Variants in SBF1 observed in about 807,000 individuals in gnomAD.
SBF1 encodes SET binding factor 1, also known as myotubularin-related protein 5.
In SBF1, 65 loss-of-function variants were observed where a neutral mutation model predicts 215.8. The observed-to-expected ratio is 0.30, with a 90% CI of 0.25 to 0.37. The LOEUF is 0.37. Ranked by LOEUF, SBF1 falls within the 10% of genes least tolerant of loss-of-function variation. The probability of loss-of-function intolerance (pLI) is 1.00; values close to 1 mark genes in which losing one functional copy is unlikely to be tolerated. For missense variants in SBF1, 2,634 were observed against 2,667.8 expected, an observed-to-expected ratio of 0.99 and a Z score of 0.28; for synonymous variants, 1,410 against 1,122.8, an observed-to-expected ratio of 1.26 and a Z score of -5.11.
Position 50,464,509 on chromosome 22 carries a change from T to G in SBF1, c.1636+25A>C, listed in dbSNP as rs948168429. ...CCCATCCTGGGCCACGCTCGGGGCCTGCCTTCCCCTCCCTCATTACGCACT... is the reference window on the plus strand; with the variant it reads ...CCCATCCTGGGCCACGCTCGGGGCCGGCCTTCCCCTCCCTCATTACGCACT... On this transcript the variant is annotated intron_variant, in intron 14 of 40. Coordinates refer to ENST00000380817, the MANE Select transcript of SBF1 (RefSeq NM_002972.4). 6 of 1,603,264 alleles carry G rather than the reference T, an allele frequency of 3.7e-6. No homozygotes were observed. In the Admixed American group the frequency reaches 6.7e-5, roughly 18 times the overall value.
chr22:50,462,087 G>C lies in SBF1; in HGVS notation c.2429C>G (p.Thr810Arg). The C allele has an allele frequency of 1.9e-6, 3 of 1,613,934 alleles. No individual in the cohort carries two copies. The highest frequency in any genetic ancestry group is 2.5e-6 in the Non-Finnish European group (3 of 1,180,046). Residue 810 changes from threonine (T) to arginine (R), a missense_variant, in exon 20 of 41, where the codon ACG becomes AGG. By Grantham distance (71) the Thr-to-Arg change is moderately conservative (BLOSUM62 -1). Coordinates refer to ENST00000380817, the MANE Select transcript of SBF1 (RefSeq NM_002972.4). ...CTCTGCATCCTCGAAGCCGCTCTCC[G>C]TGTCATAGCTCTCGGCCACACTGCC... ...MAGSVAESYD[T>R]ESGFEDAETC... is the part of the protein sequence containing the mutation.
chr22:50,459,152 C>T (rs2148582085), intron 28 of SBF1, 103 bp downstream of exon 28: 2 of 1,446,240 alleles, frequency 1.4e-6, no homozygotes, highest in Non-Finnish European at 1.8e-6. Flanking sequence ...CATCCATGAC[C>T]AGCGCCGTTT....
intron 28 of SBF1, among the ~76,000 whole-genome samples, chr22:50,457,864 G>A (rs2067318237): frequency 6.6e-6 from 1 of 152,234 alleles, no homozygotes; most frequent in South Asian, 2.1e-4. Context: ...CCACCAAGTG[G>A]TCACTACAGG....
chr22:50,452,911 ACAACACAGAGATGTACAGCT>A (rs1040640194), intron 36 of SBF1, among the ~76,000 whole-genome samples: 2 of 152,034 alleles, frequency 1.3e-5, no homozygotes, highest in African/African-American at 4.8e-5. Context: ...CCCCTGAAAC[ACAACACAGAGATGTACAGCT>A]CAACTCACAG....
At chr22:50,457,005 G>A (rs2067280561) in intron 29 of SBF1, 29 bp downstream of exon 29, 7 of 1,405,420 alleles carry the variant, frequency 5.0e-6, no homozygotes, top group Non-Finnish European at 6.5e-6. Context: ...AGTAAGGGGA[G>A]GCGGGCCTGC....
chr22:50,448,135 TCCTCAAAA>T (rs2066908352), intron 38 of SBF1, 90 bp downstream of exon 38: 80 of 1,205,546 alleles, frequency 6.6e-5, no homozygotes, highest in Non-Finnish European at 9.4e-5. Context: ...TTAAGCAAGC[TCCTCAAAA>T]GCACCCGCAA....
intron 22 of SBF1, 42 bp from the exon 23 acceptor site, chr22:50,461,328 G>GC (rs370063156): frequency 2.7e-4 from 270 of 998,830 alleles, no homozygotes; most frequent in Non-Finnish European, 2.6e-4. Flanking sequence ...GGAAGGTAAG[G>GC]GGGGGGGGGT....
At chr22:50,474,716 A>G in intron 1 of SBF1, 70 bp downstream of exon 1, 1 of 1,219,860 alleles carries the variant, frequency 8.2e-7, no homozygotes, top group Non-Finnish European at 1.1e-6. Context: ...CTCGACCCTC[A>G]GACCCAGCCC....
At position 50,456,775 on chromosome 22, in the gene SBF1, C is replaced by T. The variant is rs2067270312; in HGVS notation, c.3905-102G>A. 2.7e-6 allele frequency: 3 copies of T among 1,103,370 alleles called. No individual in the cohort carries two copies. The East Asian group carries it at 8.1e-5, about 30-fold the overall frequency. The allele number at this position is 1,103,370 out of a possible 1,614,324, so 68.3% of individuals were successfully genotyped here. On this transcript the variant is annotated intron_variant, in intron 29 of 40. Transcript: ENST00000380817. ...CAGGGAGGGGGCTGAGCTCCCAGGG[C>T]AGGGGTGGTTGGCAGGACCCCAGCA...
chr22:50,459,871 G>A (rs2067427021), intron 26 of SBF1, 81 bp downstream of exon 26: 2 of 1,505,564 alleles, frequency 1.3e-6, no homozygotes, highest in Non-Finnish European at 9.2e-7. Flanking sequence ...ATGACCAGAA[G>A]CCGTGGCCCA....
chr22:50,466,744 TG>T (rs751924201), intron 5 of SBF1, 34 bp from the exon 6 acceptor site: 2 of 1,436,538 alleles, frequency 1.4e-6, no homozygotes, highest in Non-Finnish European at 1.9e-6. Flanking sequence ...CTCAGTAGTT[TG>T]GCCAGAGCCA....
intron 36 of SBF1, among the ~76,000 whole-genome samples, chr22:50,449,127 G>C (rs954779512): frequency 6.6e-6 from 1 of 151,158 alleles, no homozygotes; most frequent in African/African-American, 2.4e-5. Context: ...AGCCGAGAAC[G>C]CGCCACTGCA....
chr22:50,458,439 C>T (rs1192143952), intron 28 of SBF1, among the ~76,000 whole-genome samples: 4 of 151,870 alleles, frequency 2.6e-5, no homozygotes, highest in African/African-American at 4.8e-5. Flanking sequence ...TGGGGATGGT[C>T]GGAGACGCAA....
intron 28 of SBF1, among the ~76,000 whole-genome samples, chr22:50,458,166 G>A (rs756274609): frequency 3.9e-5 from 6 of 152,116 alleles, no homozygotes; most frequent in Non-Finnish European, 7.4e-5. Context: ...TCAGCCGGGC[G>A]CGGTGGCGGG....
At position 50,461,531 on chromosome 22, in the gene SBF1, T is replaced by G; in HGVS notation, c.2831A>C (p.Asp944Ala). ...YRVIFTGMPT[D>A]PLVGEQVVVR... The stretch of plus-strand genomic sequence containing the variant: ...AGAGTCTGCAGGCTCACCCAGGGGG[T>G]CCGTGGGCATCCCCGTGAAGATGAC... The change falls in exon 22 of 41, where the codon GAC becomes GCC. Residue 944 changes from aspartate to alanine, a missense_variant. Coordinates refer to ENST00000380817, the MANE Select transcript of SBF1 (RefSeq NM_002972.4). The G allele has an allele frequency of 1.9e-6, 3 of 1,597,712 alleles. No homozygotes were observed. The highest frequency in any genetic ancestry group is 2.6e-6 in the Non-Finnish European group (3 of 1,169,468).
At chr22:50,472,890 A>G (rs1268657960) in intron 1 of SBF1, among the ~76,000 whole-genome samples, 1 of 152,194 alleles carries the variant, frequency 6.6e-6, no homozygotes, top group Non-Finnish European at 1.5e-5. Context: ...GCTCAACCCC[A>G]GAAGGTAGTG....
chr22:50,457,057 G>T lies in SBF1; in HGVS notation c.3881C>A (p.Ala1294Asp). The change falls in exon 29 of 41, where the codon GCC (alanine) becomes GAC (aspartate). Residue 1294 changes from alanine (A) to aspartate (D), a missense_variant. Ala to Asp is a moderately radical substitution (Grantham distance 126). Coordinates refer to ENST00000380817, the MANE Select transcript of SBF1 (RefSeq NM_002972.4). Reference protein sequence around the residue: ...TTLSNPMAASASRRTAPRGKW... With the variant: ...TTLSNPMAASDSRRTAPRGKW... ...ACCTCGGGGTGCGGTCCGTCTGGAG[G>T]CCGAGGCCGCCATGGGGTTGGACAG... 1 of 1,465,438 alleles carries T rather than the reference G, an allele frequency of 6.8e-7. No individual in the cohort carries two copies. The allele number at this position is 1,465,438 out of a possible 1,614,324, so 90.8% of individuals were successfully genotyped here.
At position 50,460,421 on chromosome 22, in the gene SBF1, A is replaced by G. The variant is rs762990592; in HGVS notation, c.3147-13T>C. On this transcript the variant is annotated splice_polypyrimidine_tract_variant and intron_variant, in intron 24 of 40. Transcript: ENST00000380817. ...CCGGGACAGGGTTCTGAGGCCCACGAGAGTCAGCAAAGGTGAGAGGAGGAG... is the reference window on the plus strand; with the variant it reads ...CCGGGACAGGGTTCTGAGGCCCACGGGAGTCAGCAAAGGTGAGAGGAGGAG... 1.2e-6 allele frequency: 2 copies of G among 1,606,334 alleles called. No individual in the cohort carries two copies. The highest frequency in any genetic ancestry group is 2.7e-5 in the African/African-American group (2 of 74,774).
At chr22:50,456,809 CGAGAG>C (rs1363622688) in intron 29 of SBF1, 136 bp from the exon 30 acceptor site, 1 of 798,706 alleles carries the variant, frequency 1.3e-6, no homozygotes, top group Non-Finnish European at 1.9e-6. Flanking sequence ...CAGGGCCGTG[CGAGAG>C]GAGGGCTGGA....
Sources: gnomAD v4.1 joint callset for allele counts (sites outside exome capture counted in the v4.1 genomes callset) on GRCh38, gnomAD v4.1.1 for gene constraint, MANE v1.5 for transcripts, NCBI Gene and HGNC (gene_info 2026-07-23, HGNC 2026-07-21) for gene names.